MALT1: variants seen among roughly 807,000 people sequenced by gnomAD.
The protein encoded by MALT1 is MALT1 paracaspase, also known as mucosa-associated lymphoid tissue lymphoma translocation protein 1.
A neutral mutation model predicts 85.5 loss-of-function variants in MALT1; 36 were observed. The ratio of observed to expected loss-of-function variants is 0.42; its 90% confidence interval spans 0.32 to 0.56. The LOEUF (loss-of-function observed/expected upper bound fraction) is 0.56. Ranked by LOEUF, MALT1 falls within the 20% of genes least tolerant of loss-of-function variation. The pLI is 0.10. For missense variants in MALT1, 716 were observed against 981.6 expected (o/e 0.73, Z 3.62); for synonymous variants, 359 against 361.3 (o/e 0.99, Z 0.07).
At chr18:58,681,680 G>T (rs1260720553) in intron 2 of MALT1, among the ~76,000 whole-genome samples, 1 of 152,104 alleles carries the variant, frequency 6.6e-6, no homozygotes, top group Non-Finnish European at 1.5e-5. Flanking sequence ...AGATTCCTAT[G>T]ACATACATTG....
chr18:58,746,055 T>C (rs2055362930), intron 16 of MALT1, among the ~76,000 whole-genome samples: 1 of 152,162 alleles, frequency 6.6e-6, no homozygotes, highest in Non-Finnish European at 1.5e-5. Context: ...CTTAACTCTG[T>C]CACCCAGGCT....
At chr18:58,691,443 G>A (rs757681187) in intron 2 of MALT1, 10 of 332,830 alleles carry the variant, frequency 3.0e-5, no homozygotes, top group African/African-American at 9.0e-5. Context: ...ATGCACAGAC[G>A]GACGTGCATT....
chr18:58,703,531 A>T (rs918475112), intron 4 of MALT1, among the ~76,000 whole-genome samples: 27 of 152,280 alleles, frequency 1.8e-4, no homozygotes, highest in Middle Eastern at 3.4e-3. Context: ...GGAAACTTAC[A>T]ATCATGGTGG....
Position 58,671,602 on chromosome 18 carries a change from G to A in MALT1, c.-42G>A, listed in dbSNP as rs1215481831. 52 of 1,184,696 alleles carry A rather than the reference G, an allele frequency of 4.4e-5. No individual in the cohort carries two copies. The highest frequency in any genetic ancestry group is 4.7e-5 in the Non-Finnish European group (45 of 951,152). The allele number at this position is 1,184,696 out of a possible 1,614,324, so 73.4% of individuals were successfully genotyped here. A position where few individuals can be genotyped will look rare whatever the true frequency, so the allele number is the denominator to read the frequency against. On this transcript the variant is annotated 5_prime_UTR_variant, in exon 1 of 17. Coordinates refer to ENST00000649217, the MANE Select transcript of MALT1 (RefSeq NM_006785.4). ...CCCCGGGGCCGAGGCCCGTGACGGG[G>A]CGGGCGGGAGCCCCGGCAGTCCGGG...
At position 58,715,970 on chromosome 18, in the gene MALT1, G is replaced by A. The variant is rs2054893903; in HGVS notation, c.1018+3G>A. On this transcript the variant is annotated splice_donor_region_variant and intron_variant, in intron 9 of 16. Transcript: ENST00000649217. ...GCAAACAACTGACCAGCCTTTGGGTGAGTAGAACTTTAAAATGCATTATCA... is the reference window on the plus strand; with the variant it reads ...GCAAACAACTGACCAGCCTTTGGGTAAGTAGAACTTTAAAATGCATTATCA... 2.5e-6 allele frequency: 4 copies of A among 1,597,636 alleles called. No individual in the cohort carries two copies. The highest frequency in any genetic ancestry group is 3.4e-6 in the Non-Finnish European group (4 of 1,171,962).
At position 58,753,243 on chromosome 18, in the gene MALT1, G is replaced by C. The variant is rs2055471483; in HGVS notation, c.*5401G>C. 1 of 151,978 alleles carries C rather than the reference G, an allele frequency of 6.6e-6. No individual in the cohort carries two copies. The highest frequency in any genetic ancestry group is 1.5e-5 in the Non-Finnish European group (1 of 68,062). 9.4% of individuals were successfully genotyped at this position (151,978 alleles called of 1,614,324 possible). A position where few individuals can be genotyped will look rare whatever the true frequency, so the allele number is the denominator to read the frequency against. On this transcript the variant is annotated 3_prime_UTR_variant, in exon 17 of 17. Transcript: ENST00000649217. ...TGAGTCTCACTCTGTCTCCCAGGCT[G>C]TAGTGCAGTGGCACGTCTTGGTTCG...
intron 10 of MALT1, among the ~76,000 whole-genome samples, chr18:58,727,167 A>T (rs982827492): frequency 6.6e-6 from 1 of 152,148 alleles, no homozygotes; most frequent in African/African-American, 2.4e-5. Context: ...GCACTTTTTC[A>T]TCTTTAGATT....
At chr18:58,725,593 T>G (rs975076871) in intron 10 of MALT1, among the ~76,000 whole-genome samples, 5 of 152,216 alleles carry the variant, frequency 3.3e-5, no homozygotes, top group African/African-American at 1.2e-4. Context: ...TTCCAAAACT[T>G]CACTAGAAGT....
chr18:58,734,269 C>T, intron 11 of MALT1, 38 bp from the exon 12 acceptor site: 1 of 1,416,848 alleles, frequency 7.1e-7, no homozygotes, highest in Non-Finnish European at 1.0e-6. Flanking sequence ...TTTAACTTTT[C>T]ATATTTCTAT....
chr18:58,686,561 A>G (rs1190257552), intron 2 of MALT1, among the ~76,000 whole-genome samples: 1 of 152,148 alleles, frequency 6.6e-6, no homozygotes, highest in Non-Finnish European at 1.5e-5. Context: ...CAATATTGCC[A>G]TTTTATTTCA....
At chr18:58,723,437 CTTTACT>C (rs2144424522) in intron 10 of MALT1, among the ~76,000 whole-genome samples, 186 bp downstream of exon 10, 1 of 151,894 alleles carries the variant, frequency 6.6e-6, no homozygotes, top group East Asian at 1.9e-4. Context: ...AGCTTCATGT[CTTTACT>C]TTTATGTTTC....
rs141391575 is a variant in MALT1 at position 58,683,695 on chromosome 18, C to G, written c.376+2359C>G. On this transcript the variant is annotated intron_variant, in intron 2 of 16. Transcript: ENST00000649217. ...CATTAGTAATCTTCCTTTGAAAAAT[C>G]CATTTTTGCTCTTTGTGTTTTTCTC... is the stretch of plus-strand genomic sequence containing the variant. Among the ~76,000 whole-genome samples the G allele has an allele frequency of 1.3e-3, 193 of 152,302 alleles. 3 individuals carry two copies. The highest frequency in any genetic ancestry group is 4.2e-3 in the African/African-American group (175 of 41,556).
Position 58,736,801 on chromosome 18 carries a change from C to T in MALT1, c.1603+1472C>T, listed in dbSNP as rs141686682. Among the ~76,000 whole-genome samples the T allele has an allele frequency of 9.5e-3, 1,448 of 152,324 alleles. 10 individuals are homozygous for T. Among genetic ancestry groups the T allele is most frequent in the Middle Eastern group, 0.02 (6 of 294 alleles). On this transcript the variant is annotated intron_variant, in intron 13 of 16. Transcript: ENST00000649217. ...ACATGGAGCACACTCAGCTCAGTGC[C>T]GTGCACATTGTGCCCTTCGTGGGTA...
At chr18:58,738,698 T>C (rs2055258623) in intron 13 of MALT1, among the ~76,000 whole-genome samples, 1 of 152,252 alleles carries the variant, frequency 6.6e-6, no homozygotes, top group Non-Finnish European at 1.5e-5. Flanking sequence ...TGTTAAATAG[T>C]ATCTCATGTG....
At chr18:58,745,148 A>G (rs2144490197) in intron 15 of MALT1, among the ~76,000 whole-genome samples, 1 of 152,280 alleles carries the variant, frequency 6.6e-6, no homozygotes, top group African/African-American at 2.4e-5. Flanking sequence ...CGGAGCCCAG[A>G]TAGGCTTCCT....
intron 9 of MALT1, among the ~76,000 whole-genome samples, chr18:58,716,767 T>C (rs557718127): frequency 6.6e-6 from 1 of 152,262 alleles, no homozygotes; most frequent in East Asian, 1.9e-4. Flanking sequence ...CAAAGTGTTT[T>C]GGTAGGAGGG....
At chr18:58,686,687 A>T (rs1162852346) in intron 2 of MALT1, among the ~76,000 whole-genome samples, 1 of 151,896 alleles carries the variant, frequency 6.6e-6, no homozygotes, top group Non-Finnish European at 1.5e-5. Context: ...TTTATTTCAT[A>T]CCTTTTTTTC....
chr18:58,681,088 C>T (rs982917647), intron 1 of MALT1, 82 bp from the exon 2 acceptor site: 8 of 1,268,632 alleles, frequency 6.3e-6, no homozygotes, highest in East Asian at 2.4e-5. Flanking sequence ...TTATTCCATA[C>T]AGCACCACCG....
At chr18:58,676,461 C>T (rs757757199) in intron 1 of MALT1, among the ~76,000 whole-genome samples, 23 of 152,180 alleles carry the variant, frequency 1.5e-4, no homozygotes, top group Non-Finnish European at 3.1e-4. Flanking sequence ...TTGTCTCCAT[C>T]CCTCTCTACT....
Sources: allele counts gnomAD v4.1 joint callset (sites outside exome capture counted in the v4.1 genomes callset), GRCh38; gene constraint gnomAD v4.1.1; transcripts MANE v1.5; gene names NCBI Gene and HGNC (gene_info 2026-07-23, HGNC 2026-07-21).